The following SLC38A9 variants were observed in gnomAD, a reference collection of about 807,000 sequenced individuals.
The protein encoded by SLC38A9 is solute carrier family 38 member 9, also known as neutral amino acid transporter 9.
SLC38A9 carries 48 observed loss-of-function variants against 62.3 expected under a neutral mutation model. The ratio of observed to expected loss-of-function variants is 0.77; its 90% CI spans 0.61 to 0.98. The LOEUF is 0.98. SLC38A9 is among the 50% of genes least tolerant of loss of function. SLC38A9 has a pLI of 0.00. For missense variants in SLC38A9, 541 were observed against 679.8 expected (o/e 0.80, Z 2.27); for synonymous variants, 204 against 227.7 (o/e 0.90, Z 0.94).
intron 7 of SLC38A9, 49 bp downstream of exon 7, chr5:55,669,179 A>T (rs780337956): frequency 2.2e-6 from 3 of 1,389,804 alleles, no homozygotes. Context: ...CCTCAAAGGG[A>T]AATGCTTATT....
At chr5:55,654,569 A>G (rs181736625) in intron 9 of SLC38A9, among the ~76,000 whole-genome samples, 74 of 152,094 alleles carry the variant, frequency 4.9e-4, no homozygotes, top group African/African-American at 1.7e-3. Context: ...CATTGCCACT[A>G]TAGGCCAGCC....
intron 8 of SLC38A9, among the ~76,000 whole-genome samples, chr5:55,659,280 CATTT>C (rs1749026024): frequency 9.6e-6 from 1 of 103,860 alleles, no homozygotes; most frequent in African/African-American, 2.9e-5. Flanking sequence ...TATAGATACA[CATTT>C]ATACGTATAT....
chr5:55,649,340 T>C (rs777603554), intron 10 of SLC38A9, 26 bp from the exon 11 acceptor site: 12 of 1,325,066 alleles, frequency 9.1e-6, no homozygotes, highest in Middle Eastern at 1.9e-4. Flanking sequence ...TCAGAAACCA[T>C]TTATTATCTT....
Position 55,652,787 on chromosome 5 carries a change from C to A in SLC38A9, c.758-64G>T, listed in dbSNP as rs904055844. 440 of 1,360,518 alleles carry A rather than the reference C, an allele frequency of 3.2e-4. 3 individuals are homozygous for A. Among genetic ancestry groups the A allele is most frequent in the Admixed American group, 2.3e-4 (11 of 48,122 alleles). The allele number at this position is 1,360,518 out of a possible 1,614,324, so 84.3% of individuals were successfully genotyped here. On this transcript the variant is annotated intron_variant, in intron 9 of 15. Transcript: ENST00000396865. Reference sequence around the variant, plus strand: ...AAACAAAACAAAACAAAACAAAAAACAGAAAATGACTGCCTCTAGAGACAG... The same window carrying A: ...AAACAAAACAAAACAAAACAAAAAAAAGAAAATGACTGCCTCTAGAGACAG...
chr5:55,711,049 T>C (rs1268196706), intron 2 of SLC38A9, among the ~76,000 whole-genome samples: 5 of 151,628 alleles, frequency 3.3e-5, no homozygotes, highest in African/African-American at 9.7e-5. Context: ...TCCCAGCACT[T>C]TGGGAGGCCA....
At chr5:55,682,269 C>T (rs1399056250) in intron 3 of SLC38A9, among the ~76,000 whole-genome samples, 2 of 152,174 alleles carry the variant, frequency 1.3e-5, no homozygotes, top group Admixed American at 6.5e-5. Flanking sequence ...AAAAAATCCT[C>T]AACCTCAGCC....
rs79775184 is a variant in SLC38A9, at chr5:55,658,923, C to T, written c.698-2149G>A. 4.6e-3 allele frequency among the ~76,000 whole-genome samples: 704 copies of T among 152,210 alleles called. 2 individuals carry two copies. The highest frequency in any genetic ancestry group is 8.5e-3 in the Non-Finnish European group (576 of 68,020). ...ACTAATGAACTTATTTAAGTTTACC[C>T]CACAATACAAGGATGGTTTAAATTT... On this transcript the variant is annotated intron_variant, in intron 8 of 15. Transcript: ENST00000396865.
intron 11 of SLC38A9, among the ~76,000 whole-genome samples, 189 bp downstream of exon 11, chr5:55,649,018 T>C (rs749405057): frequency 6.6e-6 from 1 of 152,082 alleles, no homozygotes; most frequent in African/African-American, 2.4e-5. Flanking sequence ...CAAGTAGAAA[T>C]GACAAAGGGC....
chr5:55,630,559 A>T (rs369489433), intron 14 of SLC38A9, among the ~76,000 whole-genome samples: 29 of 152,086 alleles, frequency 1.9e-4, no homozygotes, highest in African/African-American at 6.5e-4. Context: ...CTCATGATCC[A>T]CCCGCCTTGG....
chr5:55,643,071 T>C (rs769476766), intron 12 of SLC38A9, among the ~76,000 whole-genome samples: 3 of 152,226 alleles, frequency 2.0e-5, no homozygotes, highest in Non-Finnish European at 4.4e-5. Context: ...AGCTGTTAAA[T>C]TGAGCACAAA....
intron 3 of SLC38A9, among the ~76,000 whole-genome samples, chr5:55,674,886 C>T (rs1751866747): frequency 6.6e-6 from 1 of 152,134 alleles, no homozygotes; most frequent in Admixed American, 6.5e-5. Flanking sequence ...CTCAGTGGTA[C>T]TAAAAAGCAA....
At chr5:55,660,380 C>T (rs1273036516) in intron 8 of SLC38A9, among the ~76,000 whole-genome samples, 5 of 152,046 alleles carry the variant, frequency 3.3e-5, no homozygotes, top group Non-Finnish European at 7.4e-5. Context: ...CACCACTGCA[C>T]CCCAGAGCCT....
intron 10 of SLC38A9, among the ~76,000 whole-genome samples, 158 bp downstream of exon 10, chr5:55,652,371 A>AAAAAG (rs1747665606): frequency 6.6e-6 from 1 of 150,696 alleles, no homozygotes. Flanking sequence ...AAAAAAAAAA[A>AAAAAG]AAAAAAGAAA....
chr5:55,649,161 GT>G (rs1289281426), intron 11 of SLC38A9, 45 bp downstream of exon 11: 1 of 1,102,294 alleles, frequency 9.1e-7, no homozygotes, highest in Non-Finnish European at 1.3e-6. Context: ...TATGACAATG[GT>G]TAAGATCACA....
At chr5:55,677,463 C>T (rs945104568) in intron 3 of SLC38A9, among the ~76,000 whole-genome samples, 1 of 152,118 alleles carries the variant, frequency 6.6e-6, no homozygotes, top group African/African-American at 2.4e-5. Context: ...GTGTTTAGTA[C>T]TCCTCCAATG....
chr5:55,692,678 G>T, intron 3 of SLC38A9: 1 of 984,764 alleles, frequency 1.0e-6, no homozygotes, highest in Non-Finnish European at 1.2e-6. Flanking sequence ...TTTAATCTAC[G>T]CAGTTAAACA....
rs1391142097 is a variant in SLC38A9 at position 55,695,724 on chromosome 5, C to A, written c.113+2122G>T. Reference sequence around the variant, plus strand: ...CTCAATCTTTTCCCCACCTTTCCCCCCTTTCTATTCCACAAAGCTGCCATT... The same window carrying A: ...CTCAATCTTTTCCCCACCTTTCCCCACTTTCTATTCCACAAAGCTGCCATT... On this transcript the variant is annotated intron_variant, in intron 3 of 15. Coordinates refer to ENST00000396865, the MANE Select transcript of SLC38A9 (RefSeq NM_173514.4). Among the ~76,000 whole-genome samples the A allele has an allele frequency of 4.9e-5, 4 of 82,396 alleles. 1 individual carries two copies. Among genetic ancestry groups the A allele is most frequent in the Admixed American group, 2.3e-4 (2 of 8,700 alleles). 54.1% of individuals were successfully genotyped at this position (82,396 alleles called of 152,430 possible).
In SLC38A9 at chr5:55,674,876, C is replaced by T. The variant is rs986073811; in HGVS notation, c.114-2181G>A. Among the ~76,000 whole-genome samples, 6 of 152,208 alleles carry T rather than the reference C, an allele frequency of 3.9e-5. No homozygotes were observed. The South Asian group carries it at 1.2e-3, about 31-fold the overall frequency. ...TATAATTTGCATCTCCACTATGACA[C>T]TCAGTGGTACTAAAAAGCAACATAA... is the stretch of plus-strand genomic sequence containing the variant. On this transcript the variant is annotated intron_variant, in intron 3 of 15. Transcript: ENST00000396865.
chr5:55,639,715 A>G (rs1745093614), intron 12 of SLC38A9, among the ~76,000 whole-genome samples: 1 of 152,192 alleles, frequency 6.6e-6, no homozygotes, highest in Non-Finnish European at 1.5e-5. Context: ...TTTTCTCAGA[A>G]TATAGTACCC....
Sources: allele counts gnomAD v4.1 joint callset (sites outside exome capture counted in the v4.1 genomes callset), GRCh38; gene constraint gnomAD v4.1.1; transcripts MANE v1.5; gene names NCBI Gene and HGNC (gene_info 2026-07-23, HGNC 2026-07-21).